BCAS3: variants seen among roughly 807,000 people sequenced by gnomAD.
BCAS3 encodes the protein BCAS4/BCAS3 fusion.
A neutral mutation model predicts 116.1 loss-of-function variants in BCAS3; 53 were observed. The ratio of observed to expected loss-of-function variants is 0.46; its 90% CI spans 0.37 to 0.57. BCAS3 has a LOEUF of 0.57. BCAS3 is among the 20% of genes least tolerant of loss of function. BCAS3 has a pLI of 0.00. For synonymous variants in BCAS3, 391 were observed against 408.2 expected, an observed-to-expected ratio of 0.96 and a Z score of 0.51; for missense variants, 917 against 1,165.4, an observed-to-expected ratio of 0.79 and a Z score of 3.10.
rs1250606765 is a variant in BCAS3 at position 61,162,385 on chromosome 17, A to G, written c.2425+77821A>G. 2.0e-5 allele frequency among the ~76,000 whole-genome samples: 3 copies of G among 152,208 alleles called. No individual in the cohort carries two copies. Among genetic ancestry groups the G allele is most frequent in the African/African-American group, 7.2e-5 (3 of 41,460 alleles). On this transcript the variant is annotated intron_variant, in intron 22 of 23. Transcript: ENST00000407086. This position sits in a 1 kb window ranked among gnomAD's most constrained non-coding sequence, Gnocchi z 5.6. ...CCAGCTGGGTTTCTTTGCATTCCCA[A>G]CAGAAGGTTGTTTCATATGCATTTG...
chr17:61,310,243 C>G (rs571843478), intron 22 of BCAS3, among the ~76,000 whole-genome samples: 1 of 152,266 alleles, frequency 6.6e-6, no homozygotes, highest in African/African-American at 2.4e-5. Context: ...TTTGAATAAT[C>G]TGGAAGGAGA....
At position 61,323,126 on chromosome 17, in the gene BCAS3, C is replaced by T. The variant is rs117082202; in HGVS notation, c.2426-45201C>T. ...GAATGGTCACATGGATTTAGCATCA[C>T]ACGGGGAATTCGCTGTAACCCAGCC... On this transcript the variant is annotated intron_variant, in intron 22 of 23. Coordinates refer to ENST00000407086, the MANE Select transcript of BCAS3 (RefSeq NM_017679.5). This position sits in a 1 kb window ranked among gnomAD's most constrained non-coding sequence, Gnocchi z 4.6. 6.3e-3 allele frequency among the ~76,000 whole-genome samples: 959 copies of T among 152,114 alleles called. 7 individuals are homozygous for T. Among genetic ancestry groups the T allele is most frequent in the East Asian group, 0.034 (175 of 5,174 alleles).
intron 4 of BCAS3, among the ~76,000 whole-genome samples, chr17:60,698,205 AGAG>A (rs1410206535): frequency 6.6e-4 from 99 of 151,110 alleles, no homozygotes; most frequent in Non-Finnish European, 1.1e-3. Context: ...AAAAAAAAAA[AGAG>A]CAGCAGTGGA....
rs553977598 is a variant in BCAS3 at position 61,237,102 on chromosome 17, A to C, written c.2426-131225A>C. On this transcript the variant is annotated intron_variant, in intron 22 of 23. Coordinates refer to ENST00000407086, the MANE Select transcript of BCAS3 (RefSeq NM_017679.5). Reference sequence around the variant, plus strand: ...TGTATTGAAAGGTTACCATACTGAGAGGTGAAGCCAGCTGGACTTCTGGGT... The same window carrying C: ...TGTATTGAAAGGTTACCATACTGAGCGGTGAAGCCAGCTGGACTTCTGGGT... Among the ~76,000 whole-genome samples, 5 of 152,310 alleles carry C rather than the reference A, an allele frequency of 3.3e-5. No individual in the cohort carries two copies. The East Asian group carries it at 7.7e-4, about 24-fold the overall frequency.
intron 22 of BCAS3, among the ~76,000 whole-genome samples, chr17:61,321,445 A>T (rs1175763795): frequency 6.6e-6 from 1 of 152,220 alleles, no homozygotes; most frequent in South Asian, 2.1e-4. Context: ...GTCCTGGGCC[A>T]TGAGGAAATG....
chr17:60,787,226 G>T (rs1204706251), intron 6 of BCAS3, among the ~76,000 whole-genome samples: 6 of 152,180 alleles, frequency 3.9e-5, no homozygotes, highest in Non-Finnish European at 1.5e-5. Flanking sequence ...TGTGTATACA[G>T]TTGTAATCTA....
At chr17:61,067,258 T>C (rs1212055873) in intron 19 of BCAS3, among the ~76,000 whole-genome samples, 4 of 125,602 alleles carry the variant, frequency 3.2e-5, no homozygotes, top group Non-Finnish European at 4.8e-5. Flanking sequence ...CATAACTTTA[T>C]TTATGTGTGT....
intron 10 of BCAS3, among the ~76,000 whole-genome samples, chr17:60,895,775 TGACTCAGTA>T (rs950540930): frequency 6.6e-6 from 1 of 152,236 alleles, no homozygotes; most frequent in African/African-American, 2.4e-5. Flanking sequence ...TTTAAAGAAT[TGACTCAGTA>T]GTGTTCAGGG....
At chr17:60,812,896 T>G (rs531751250) in intron 7 of BCAS3, among the ~76,000 whole-genome samples, 1 of 152,160 alleles carries the variant, frequency 6.6e-6, no homozygotes, top group East Asian at 1.9e-4. Flanking sequence ...ATGCCACTGT[T>G]GGGCTAATTA....
chr17:61,281,926 T>A lies in BCAS3; in HGVS notation c.2426-86401T>A, dbSNP rs975621225. On this transcript the variant is annotated intron_variant, in intron 22 of 23. Transcript: ENST00000407086. The surrounding 1 kb of genome is among the most constrained non-coding windows in gnomAD (Gnocchi z 4.2). ...CTACTTCCTTTTTACAAGACTGTTG[T>A]GCACATAATAGATGTTCAAGACTTT... Among the ~76,000 whole-genome samples the A allele has an allele frequency of 6.6e-6, 1 of 152,238 alleles. No individual in the cohort carries two copies. The highest frequency in any genetic ancestry group is 2.4e-5 in the African/African-American group (1 of 41,470).
chr17:61,031,942 T>A (rs1263120937), intron 16 of BCAS3, among the ~76,000 whole-genome samples: 3 of 152,164 alleles, frequency 2.0e-5, no homozygotes, highest in Non-Finnish European at 4.4e-5. Flanking sequence ...TGCTTTTTAC[T>A]TGTGTGTTCC....
intron 22 of BCAS3, among the ~76,000 whole-genome samples, chr17:61,267,350 C>T (rs1168723766): frequency 2.6e-5 from 4 of 151,920 alleles, no homozygotes; most frequent in Admixed American, 6.5e-5. Flanking sequence ...AGCCACTGCA[C>T]CTGGCTGGAA....
In BCAS3 at chr17:60,712,628, A is replaced by G. The variant is rs532569150; in HGVS notation, c.321+3303A>G. Among the ~76,000 whole-genome samples the G allele has an allele frequency of 5.3e-5, 8 of 152,338 alleles. No individual in the cohort carries two copies. The South Asian group carries it at 1.7e-3, about 32-fold the overall frequency. On this transcript the variant is annotated intron_variant, in intron 5 of 23. Coordinates refer to ENST00000407086, the MANE Select transcript of BCAS3 (RefSeq NM_017679.5). The stretch of plus-strand genomic sequence containing the variant: ...CACTTTTCAAATGTGATTGCTAAAG[A>G]TATGACATGTGAGTAGTTTTGTAGT...
At chr17:60,932,626 C>T (rs1018797517) in intron 13 of BCAS3, among the ~76,000 whole-genome samples, 1 of 150,856 alleles carries the variant, frequency 6.6e-6, no homozygotes, top group Non-Finnish European at 1.5e-5. Context: ...CCTGTAGTCT[C>T]AGCTGCTTGG....
rs77825622 is a variant in BCAS3 at position 61,239,116 on chromosome 17, A to T, written c.2426-129211A>T. Among the ~76,000 whole-genome samples, 26 of 152,288 alleles carry T rather than the reference A, an allele frequency of 1.7e-4. No homozygotes were observed. In the East Asian group the frequency reaches 4.6e-3, roughly 27 times the overall value. Reference sequence around the variant, plus strand: ...AGGTAGGTTGGCATTCACAGTTCTCAGGAGACAATCAGGTACTGATTTAGT... The same window carrying T: ...AGGTAGGTTGGCATTCACAGTTCTCTGGAGACAATCAGGTACTGATTTAGT... On this transcript the variant is annotated intron_variant, in intron 22 of 23. Transcript: ENST00000407086. The surrounding 1 kb of genome is among the most constrained non-coding windows in gnomAD (Gnocchi z 4.2).
intron 19 of BCAS3, among the ~76,000 whole-genome samples, chr17:61,062,721 G>A (rs1049496016): frequency 1.3e-5 from 2 of 152,146 alleles, no homozygotes; most frequent in African/African-American, 2.4e-5. Context: ...TTTTGTAAGC[G>A]ATGATACTAG....
chr17:61,164,247 A>G (rs1333067728), intron 22 of BCAS3, among the ~76,000 whole-genome samples: 1 of 152,110 alleles, frequency 6.6e-6, no homozygotes, highest in African/African-American at 2.4e-5. Context: ...AAGAAATACT[A>G]TGTTCAGGGT....
intron 4 of BCAS3, among the ~76,000 whole-genome samples, chr17:60,697,734 ATAAGT>A (rs111346199): frequency 6.6e-6 from 1 of 152,146 alleles, no homozygotes; most frequent in African/African-American, 2.4e-5. Context: ...AGATTCACAG[ATAAGT>A]TAAGACTGGA....
At chr17:61,250,878 G>T (rs2048318907) in intron 22 of BCAS3, among the ~76,000 whole-genome samples, 1 of 152,150 alleles carries the variant, frequency 6.6e-6, no homozygotes, top group Non-Finnish European at 1.5e-5. Flanking sequence ...TCTGGTTTTT[G>T]AACATTATCC....
Sources: allele counts gnomAD v4.1 joint callset (sites outside exome capture counted in the v4.1 genomes callset), GRCh38; gene constraint gnomAD v4.1.1; non-coding constraint Gnocchi (gnomAD v3.1); transcripts MANE v1.5; gene names NCBI Gene and HGNC (gene_info 2026-07-23, HGNC 2026-07-21).